The following PRLR variants were observed in gnomAD, a reference collection of about 807,000 sequenced individuals.
The protein encoded by PRLR is hPRL receptor.
A neutral mutation model predicts 40.2 loss-of-function variants in PRLR; 13 were observed. The observed-to-expected ratio is 0.32, with a 90% CI of 0.21 to 0.51. The LOEUF is 0.51. PRLR is among the 20% of genes least tolerant of loss of function. The pLI, the probability that PRLR is intolerant of heterozygous loss-of-function variation, is 0.97. For missense variants in PRLR, 656 were observed against 747.3 expected (o/e 0.88, Z 1.42); for synonymous variants, 269 against 278.7 (o/e 0.97, Z 0.35).
At chr5:35,070,026 A>G in intron 7 of PRLR, 98 bp downstream of exon 7, 1 of 1,371,000 alleles carries the variant, frequency 7.3e-7, no homozygotes, top group South Asian at 1.4e-5. Flanking sequence ...TGTTCTGGCT[A>G]AGGCTCAAAA....
At chr5:35,113,219 C>T (rs1480631194) in intron 2 of PRLR, among the ~76,000 whole-genome samples, 1 of 150,514 alleles carries the variant, frequency 6.6e-6, no homozygotes, top group African/African-American at 2.4e-5. Context: ...TTAACCTACC[C>T]ACCCATCTTT....
At chr5:35,081,778 AAC>A (rs71974696) in intron 5 of PRLR, 4,325 of 136,202 alleles carry the variant, frequency 0.032, 55 homozygotes, top group Middle Eastern at 0.04. Context: ...GCAATACACA[AAC>A]ACACACACAC....
chr5:35,159,938 G>C (rs1774627217), intron 1 of PRLR, among the ~76,000 whole-genome samples: 1 of 152,098 alleles, frequency 6.6e-6, no homozygotes, highest in Non-Finnish European at 1.5e-5. Context: ...ATTAAATAAG[G>C]CATGTTAGAG....
chr5:35,104,350 C>T (rs1476027287), intron 2 of PRLR, among the ~76,000 whole-genome samples: 1 of 152,120 alleles, frequency 6.6e-6, no homozygotes, highest in Non-Finnish European at 1.5e-5. Flanking sequence ...AACTGAGGTA[C>T]CGGGTTCATC....
intron 1 of PRLR, among the ~76,000 whole-genome samples, chr5:35,135,755 C>A (rs140429114): frequency 0.023 from 3,516 of 152,250 alleles, 68 homozygotes; most frequent in Non-Finnish European, 0.034. Context: ...CCTGCCTCAG[C>A]CAGTGCCCGT....
intron 1 of PRLR, among the ~76,000 whole-genome samples, chr5:35,190,832 T>C (rs1775580988): frequency 1.3e-5 from 2 of 152,084 alleles, no homozygotes; most frequent in Admixed American, 1.3e-4. Flanking sequence ...AAATCTTCTT[T>C]CCAACAGAGG....
intron 1 of PRLR, among the ~76,000 whole-genome samples, chr5:35,208,706 T>C (rs1198967967): frequency 6.6e-6 from 1 of 152,152 alleles, no homozygotes; most frequent in Non-Finnish European, 1.5e-5. Context: ...TTATGGAAAA[T>C]AGATTGCTAT....
rs564139180 is a variant in PRLR at position 35,152,603 on chromosome 5, G to A, written c.-105-34481C>T. ...ACAACATGAACCCACACTAGTACAA[G>A]TATTGTCTAAGTAAGCTCTAGTTCA... On this transcript the variant is annotated intron_variant, in intron 1 of 9. Coordinates refer to ENST00000618457, the MANE Select transcript of PRLR (RefSeq NM_000949.7). Among the ~76,000 whole-genome samples, 22 of 152,294 alleles carry A rather than the reference G, an allele frequency of 1.4e-4. No homozygotes were observed. In the East Asian group the frequency reaches 3.9e-3, roughly 27 times the overall value.
Position 35,072,432 on chromosome 5 carries a change from CTT to C in PRLR, c.543+141_543+142del, listed in dbSNP as rs1335197166. On this transcript the variant is annotated intron_variant, in intron 6 of 9. Coordinates refer to ENST00000618457, the MANE Select transcript of PRLR (RefSeq NM_000949.7). The stretch of plus-strand genomic sequence containing the variant: ...TCAATCCCAATAGAGGGGAAAAGGG[CTT>C]TTCACATCTGGGTGGGTCACAACTG... 3.3e-6 allele frequency: 3 copies of C among 902,102 alleles called. No individual in the cohort carries two copies. The African/African-American group carries it at 5.1e-5, about 15-fold the overall frequency. 55.9% of individuals were successfully genotyped at this position (902,102 alleles called of 1,614,324 possible). A position where few individuals can be genotyped will look rare whatever the true frequency, so the allele number is the denominator to read the frequency against.
chr5:35,180,528 C>T (rs1167363003), intron 1 of PRLR, among the ~76,000 whole-genome samples: 1 of 152,242 alleles, frequency 6.6e-6, no homozygotes, highest in African/African-American at 2.4e-5. Context: ...CAGTATCATG[C>T]TTCCTGTATA....
At chr5:35,085,162 G>A (rs533562436) in intron 4 of PRLR, among the ~76,000 whole-genome samples, 13 of 152,320 alleles carry the variant, frequency 8.5e-5, no homozygotes, top group South Asian at 2.1e-4. Flanking sequence ...GTGAAGTGAC[G>A]TTGAGAGGAG....
chr5:35,110,010 A>T (rs968386960), intron 2 of PRLR, among the ~76,000 whole-genome samples: 3 of 152,236 alleles, frequency 2.0e-5, no homozygotes, highest in Admixed American at 1.3e-4. Context: ...AATGTGGCAC[A>T]TATACACCAT....
chr5:35,114,850 C>G (rs187202936), intron 2 of PRLR, among the ~76,000 whole-genome samples: 2 of 152,134 alleles, frequency 1.3e-5, no homozygotes, highest in Non-Finnish European at 2.9e-5. Flanking sequence ...AGTTTGGGTG[C>G]GGCAGATGCA....
intron 1 of PRLR, among the ~76,000 whole-genome samples, chr5:35,174,411 C>G (rs915798867): frequency 6.6e-6 from 1 of 152,122 alleles, no homozygotes; most frequent in East Asian, 1.9e-4. Flanking sequence ...TTTTCTACAT[C>G]GACACATGCA....
At position 35,207,287 on chromosome 5, in the gene PRLR, T is replaced by C. The variant is rs531430497; in HGVS notation, c.-106+22981A>G. Among the ~76,000 whole-genome samples the C allele has an allele frequency of 3.0e-3, 462 of 152,126 alleles. 5 individuals are homozygous for C. The highest frequency in any genetic ancestry group is 0.011 in the African/African-American group (450 of 41,528). ...ACTTTTATAATTAACTATGAACACT[T>C]ATAATTAATTATAATCAGTTAAATA... On this transcript the variant is annotated intron_variant, in intron 1 of 9. Coordinates refer to ENST00000618457, the MANE Select transcript of PRLR (RefSeq NM_000949.7).
At chr5:35,223,967 CT>C (rs1421207851) in intron 1 of PRLR, among the ~76,000 whole-genome samples, 1 of 152,210 alleles carries the variant, frequency 6.6e-6, no homozygotes, top group Non-Finnish European at 1.5e-5. Context: ...TCCCTAGTTT[CT>C]TTATCTATAG....
intron 1 of PRLR, among the ~76,000 whole-genome samples, chr5:35,149,922 A>T (rs1358345557): frequency 6.6e-6 from 1 of 151,844 alleles, no homozygotes; most frequent in Non-Finnish European, 1.5e-5. Flanking sequence ...GCAATGGCGC[A>T]ATCTCAGCTC....
At chr5:35,052,519 G>T (rs1348288176), downstream of PRLR, among the ~76,000 whole-genome samples, 2 of 152,108 alleles carry the variant, frequency 1.3e-5, no homozygotes, top group Non-Finnish European at 2.9e-5. Context: ...CTCCTGTCTG[G>T]TCCCTCATTC....
chr5:35,148,007 G>T (rs1269919427), intron 1 of PRLR, among the ~76,000 whole-genome samples: 1 of 151,972 alleles, frequency 6.6e-6, no homozygotes, highest in African/African-American at 2.4e-5. Context: ...GTATAATACA[G>T]ATAGAAAAAC....
Sources: gnomAD v4.1 joint callset for allele counts (sites outside exome capture counted in the v4.1 genomes callset) on GRCh38, gnomAD v4.1.1 for gene constraint, MANE v1.5 for transcripts, NCBI Gene and HGNC (gene_info 2026-07-23, HGNC 2026-07-21) for gene names.